NDUFAF2: variants seen among roughly 807,000 people sequenced by gnomAD.
The protein encoded by NDUFAF2 is NADH dehydrogenase [ubiquinone] 1 alpha subcomplex assembly factor 2.
A neutral mutation model predicts 22.8 loss-of-function variants in NDUFAF2; 13 were observed. The observed-to-expected ratio is 0.57, with a 90% CI of 0.37 to 0.91. The LOEUF (loss-of-function observed/expected upper bound fraction) is 0.91. Ranked by LOEUF, NDUFAF2 falls within the 40% of genes least tolerant of loss-of-function variation. The pLI is 0.01. For missense variants in NDUFAF2, 162 were observed against 195.2 expected, an observed-to-expected ratio of 0.83 and a Z score of 1.01; for synonymous variants, 53 against 64.2, an observed-to-expected ratio of 0.83 and a Z score of 0.84.
rs1053841652 is a variant in NDUFAF2 at position 61,123,720 on chromosome 5, A to G, written c.258+24688A>G. Among the ~76,000 whole-genome samples, 10 of 152,124 alleles carry G rather than the reference A, an allele frequency of 6.6e-5. No homozygotes were observed. The South Asian group carries it at 2.1e-3, about 31-fold the overall frequency. ...GCTGCTAGCAAATTAACTCCTGGAG[A>G]CCTTCTTTTCAAACAAGTTTATTAC... On this transcript the variant is annotated intron_variant, in intron 3 of 3. Transcript: ENST00000296597.
intron 3 of NDUFAF2, among the ~76,000 whole-genome samples, chr5:61,127,480 A>G (rs994343658): frequency 2.1e-4 from 32 of 152,220 alleles, no homozygotes; most frequent in African/African-American, 7.2e-4. Flanking sequence ...GGCTGGTTCA[A>G]CATAAATCAA....
chr5:61,001,811 G>T (rs532967883), intron 1 of NDUFAF2, among the ~76,000 whole-genome samples: 2 of 152,026 alleles, frequency 1.3e-5, no homozygotes, highest in Non-Finnish European at 2.9e-5. Context: ...TTCTTATATG[G>T]TCACCTTATA....
intron 1 of NDUFAF2, among the ~76,000 whole-genome samples, chr5:60,996,446 T>C (rs1751229887): frequency 6.6e-6 from 1 of 151,952 alleles, no homozygotes; most frequent in Non-Finnish European, 1.5e-5. Flanking sequence ...GACTCTTCCC[T>C]CTCCTCTCCT....
At chr5:60,998,683 G>A (rs1751257988) in intron 1 of NDUFAF2, among the ~76,000 whole-genome samples, 2 of 151,824 alleles carry the variant, frequency 1.3e-5, no homozygotes, top group South Asian at 4.1e-4. Context: ...TGTTTTTCCT[G>A]TAAAAATTCC....
chr5:61,056,007 T>G (rs983333280), intron 1 of NDUFAF2, among the ~76,000 whole-genome samples: 1 of 152,204 alleles, frequency 6.6e-6, no homozygotes, highest in African/African-American at 2.4e-5. Flanking sequence ...ATAACATTAA[T>G]AAGCCAAATT....
At chr5:60,991,252 G>A (rs2112585324) in intron 1 of NDUFAF2, among the ~76,000 whole-genome samples, 2 of 152,186 alleles carry the variant, frequency 1.3e-5, no homozygotes, top group East Asian at 3.9e-4. Context: ...ATACAGGCAT[G>A]CAATGTGAAA....
intron 1 of NDUFAF2, among the ~76,000 whole-genome samples, chr5:61,040,286 A>ACACACACACACG (rs1491193758): frequency 2.1e-3 from 196 of 93,054 alleles, no homozygotes; most frequent in African/African-American, 4.6e-3. Context: ...ACACACACAC[A>ACACACACACACG]CGCGCGCGCG....
chr5:60,954,346 A>G (rs542189839), intron 1 of NDUFAF2, among the ~76,000 whole-genome samples: 2 of 152,190 alleles, frequency 1.3e-5, no homozygotes, highest in African/African-American at 4.8e-5. Flanking sequence ...GGATCAGTAG[A>G]TGTCCATTTC....
intron 3 of NDUFAF2, among the ~76,000 whole-genome samples, chr5:61,118,948 G>A (rs1188397072): frequency 6.6e-6 from 1 of 152,146 alleles, no homozygotes; most frequent in Non-Finnish European, 1.5e-5. Flanking sequence ...TATTTCTTAA[G>A]TTGGATGGTG....
At chr5:61,000,848 ATAAGAC>A (rs1751286612) in intron 1 of NDUFAF2, among the ~76,000 whole-genome samples, 1 of 152,312 alleles carries the variant, frequency 6.6e-6, no homozygotes, top group Admixed American at 6.5e-5. Context: ...TCATGTTAGT[ATAAGAC>A]TAATTACAGA....
chr5:61,099,060 T>A, intron 3 of NDUFAF2, 28 bp downstream of exon 3: 1 of 1,534,564 alleles, frequency 6.5e-7, no homozygotes, highest in Non-Finnish European at 9.0e-7. Flanking sequence ...GGATATCATT[T>A]AGGAGTATAT....
At chr5:60,972,097 C>T (rs79904071) in intron 1 of NDUFAF2, among the ~76,000 whole-genome samples, 3,042 of 151,958 alleles carry the variant, frequency 0.02, 119 homozygotes, top group African/African-American at 0.07. Flanking sequence ...CATACGCCAC[C>T]GAGCCTGGCT....
intron 1 of NDUFAF2, among the ~76,000 whole-genome samples, chr5:61,064,417 C>T (rs1475810737): frequency 6.6e-6 from 1 of 152,102 alleles, no homozygotes; most frequent in Non-Finnish European, 1.5e-5. Context: ...ATCTTCAGAA[C>T]TTTGCATCCA....
At chr5:61,040,286 ACGCGCG>A (rs1323303366) in intron 1 of NDUFAF2, among the ~76,000 whole-genome samples, 12 of 93,094 alleles carry the variant, frequency 1.3e-4, no homozygotes, top group African/African-American at 5.2e-4. Flanking sequence ...ACACACACAC[ACGCGCG>A]CGCGCGCGCG....
At chr5:60,961,075 A>AGTG (rs1411426872) in intron 1 of NDUFAF2, among the ~76,000 whole-genome samples, 1 of 152,000 alleles carries the variant, frequency 6.6e-6, no homozygotes, top group Admixed American at 6.6e-5. Context: ...TGGTGGTGGT[A>AGTG]GTGGTGGTGG....
intron 3 of NDUFAF2, among the ~76,000 whole-genome samples, chr5:61,112,048 C>A (rs747532060): frequency 1.4e-4 from 21 of 152,056 alleles, no homozygotes; most frequent in Non-Finnish European, 2.9e-4. Flanking sequence ...TGAGCCATGG[C>A]TCCTGTCCTC....
chr5:60,971,326 C>T (rs1174483213), intron 1 of NDUFAF2, among the ~76,000 whole-genome samples: 3 of 147,426 alleles, frequency 2.0e-5, no homozygotes, highest in African/African-American at 5.0e-5. Flanking sequence ...CTGGCTCTTT[C>T]GCCCAGGCTG....
At chr5:60,965,294 T>A (rs1750740030) in intron 1 of NDUFAF2, among the ~76,000 whole-genome samples, 1 of 152,226 alleles carries the variant, frequency 6.6e-6, no homozygotes, top group Non-Finnish European at 1.5e-5. Flanking sequence ...TACAATGTGA[T>A]GTTTTCATAT....
intron 1 of NDUFAF2, 28 bp downstream of exon 1, chr5:60,945,410 C>T: frequency 1.2e-6 from 2 of 1,614,130 alleles, no homozygotes; most frequent in African/African-American, 1.3e-5. Flanking sequence ...GCAGCGATTG[C>T]GTGGTCAGTG....
Sources: allele counts gnomAD v4.1 joint callset (sites outside exome capture counted in the v4.1 genomes callset), GRCh38; gene constraint gnomAD v4.1.1; transcripts MANE v1.5; gene names NCBI Gene and HGNC (gene_info 2026-07-23, HGNC 2026-07-21).